URI1: variants seen among roughly 807,000 people sequenced by gnomAD.
URI1 encodes unconventional prefoldin RPB5 interactor 1.
A neutral mutation model predicts 60.2 loss-of-function variants in URI1; 39 were observed. The observed-to-expected ratio is 0.65, with a 90% CI of 0.50 to 0.85. The LOEUF (loss-of-function observed/expected upper bound fraction) is 0.85, where lower values mean the gene tolerates loss of function less well. Ranked by LOEUF, URI1 falls within the 40% of genes least tolerant of loss-of-function variation. URI1 has a pLI of 0.00. For missense variants in URI1, 691 were observed against 665.9 expected (o/e 1.04, Z -0.42); for synonymous variants, 251 against 236.8 (o/e 1.06, Z -0.55).
At chr19:29,984,586 C>G (rs1278814274) in intron 2 of URI1, among the ~76,000 whole-genome samples, 2 of 152,116 alleles carry the variant, frequency 1.3e-5, no homozygotes, top group Non-Finnish European at 2.9e-5. Flanking sequence ...TATTCTGCTT[C>G]TAAATGCCAG....
intron 4 of URI1, among the ~76,000 whole-genome samples, chr19:29,991,863 T>C (rs761582031): frequency 6.6e-6 from 1 of 152,220 alleles, no homozygotes; most frequent in Non-Finnish European, 1.5e-5. Context: ...ATTGATATGA[T>C]CTTGTAGTTT....
chr19:30,015,313 A>AT lies in URI1; in HGVS notation c.*245dup. 1 of 1,415,302 alleles carries AT rather than the reference A, an allele frequency of 7.1e-7. No individual in the cohort carries two copies. The highest frequency in any genetic ancestry group is 9.2e-7 in the Non-Finnish European group (1 of 1,091,068). 87.7% of individuals were successfully genotyped at this position (1,415,302 alleles called of 1,614,324 possible). On this transcript the variant is annotated 3_prime_UTR_variant, in exon 11 of 11. Coordinates refer to ENST00000392271, the MANE Select transcript of URI1 (RefSeq NM_003796.3). Reference sequence around the variant, plus strand: ...AACACTCTTATCTAAGTTTGCCTTTATGATGCAGTGGCAGCATTTTGAATT... The same window carrying AT: ...AACACTCTTATCTAAGTTTGCCTTTATTGATGCAGTGGCAGCATTTTGAATT...
intron 1 of URI1, among the ~76,000 whole-genome samples, chr19:29,931,851 T>C (rs1004925210): frequency 2.6e-5 from 4 of 151,466 alleles, no homozygotes; most frequent in Admixed American, 6.6e-5. Context: ...ATATAGAAAC[T>C]GATTCTTGTG....
intron 1 of URI1, among the ~76,000 whole-genome samples, chr19:29,960,094 A>G (rs2055302998): frequency 6.6e-6 from 1 of 152,202 alleles, no homozygotes; most frequent in Non-Finnish European, 1.5e-5. Flanking sequence ...AATTGGAAAT[A>G]CATTCCTTTT....
At chr19:29,947,671 A>G (rs2055119362) in intron 1 of URI1, among the ~76,000 whole-genome samples, 1 of 152,230 alleles carries the variant, frequency 6.6e-6, no homozygotes, top group South Asian at 2.1e-4. Context: ...GATGTTAGTT[A>G]TATTCTAATT....
At chr19:29,970,961 G>A in intron 1 of URI1, 1 of 519,710 alleles carries the variant, frequency 1.9e-6, no homozygotes, top group Non-Finnish European at 3.4e-6. Context: ...ACCAAAGTAT[G>A]AATCAGAAAG....
At chr19:29,982,908 A>G (rs903787663) in intron 2 of URI1, among the ~76,000 whole-genome samples, 3 of 152,212 alleles carry the variant, frequency 2.0e-5, no homozygotes, top group Middle Eastern at 3.2e-3. Context: ...CTGTGAGATA[A>G]GTATTAGTCC....
chr19:29,924,525 T>C (rs894685152), intron 1 of URI1, among the ~76,000 whole-genome samples: 1 of 152,212 alleles, frequency 6.6e-6, no homozygotes, highest in African/African-American at 2.4e-5. Flanking sequence ...GATTTCTTTC[T>C]GAGGAATTCC....
intron 4 of URI1, among the ~76,000 whole-genome samples, chr19:29,995,712 G>A (rs1394745442): frequency 2.0e-5 from 3 of 151,524 alleles, no homozygotes; most frequent in Non-Finnish European, 4.4e-5. Context: ...ATGTCATGAA[G>A]CAGCTTCCCT....
intron 4 of URI1, among the ~76,000 whole-genome samples, chr19:29,986,825 C>G (rs1007006298): frequency 1.3e-5 from 2 of 151,932 alleles, no homozygotes; most frequent in African/African-American, 4.8e-5. Flanking sequence ...AGAGAAATAC[C>G]TGTTTACATA....
intron 10 of URI1, chr19:30,014,147 A>G (rs2056057041): frequency 6.6e-6 from 1 of 152,150 alleles, no homozygotes; most frequent in East Asian, 1.9e-4. Flanking sequence ...AGATATTTCC[A>G]GCAATTTATG....
upstream of URI1, among the ~76,000 whole-genome samples, chr19:29,938,980 A>ATTT (rs33973351): frequency 5.4e-4 from 77 of 142,182 alleles, no homozygotes; most frequent in South Asian, 4.8e-3. Flanking sequence ...CTGGCCTACC[A>ATTT]TTTTTTTTTT....
intron 1 of URI1, among the ~76,000 whole-genome samples, chr19:29,967,173 G>T (rs2055401434): frequency 1.3e-5 from 2 of 152,162 alleles, no homozygotes; most frequent in Non-Finnish European, 2.9e-5. Context: ...CAACAGCTAA[G>T]AAATTATTAT....
chr19:29,942,998 A>T (rs190546610), intron 1 of URI1, among the ~76,000 whole-genome samples: 3 of 152,328 alleles, frequency 2.0e-5, no homozygotes, highest in Admixed American at 2.0e-4. Flanking sequence ...AACATTGCTT[A>T]AAATGTGTAC....
Position 29,924,992 on chromosome 19 carries a change from C to T in URI1, c.63+1238C>T, listed in dbSNP as rs374916978. Among the ~76,000 whole-genome samples, 427 of 152,300 alleles carry T rather than the reference C, an allele frequency of 2.8e-3. 2 individuals are homozygous for T. The highest frequency in any genetic ancestry group is 8.6e-3 in the African/African-American group (356 of 41,582). ...CTGGGATCACAGGCATGCACCACCACGCCCGGCTAATTTTTGTATTTTTGG... is the reference window on the plus strand; with the variant it reads ...CTGGGATCACAGGCATGCACCACCATGCCCGGCTAATTTTTGTATTTTTGG... On this transcript the variant is annotated intron_variant, in intron 1 of 10. Coordinates refer to the URI1 transcript ENST00000360605.
Position 30,015,055 on chromosome 19 carries a change from C to A in URI1, c.1594C>A (p.Gln532Lys). ...RVSKFKAARL[Q>K]QKD is the part of the protein sequence containing the mutation. Reference sequence around the variant, plus strand: ...TTCAAAGTTTAAAGCTGCCAGATTGCAACAGAAAGACTAGGCCCTGTCTAG... The same window carrying A: ...TTCAAAGTTTAAAGCTGCCAGATTGAAACAGAAAGACTAGGCCCTGTCTAG... Residue 532 changes from glutamine to lysine, a missense_variant, in exon 11 of 11, where the codon CAA becomes AAA. Coordinates refer to ENST00000392271, the MANE Select transcript of URI1 (RefSeq NM_003796.3). 3 of 1,613,252 alleles carry A rather than the reference C, an allele frequency of 1.9e-6. No individual in the cohort carries two copies. The highest frequency in any genetic ancestry group is 2.5e-6 in the Non-Finnish European group (3 of 1,179,508).
At chr19:29,946,075 C>G (rs866880433) in intron 1 of URI1, among the ~76,000 whole-genome samples, 5 of 152,194 alleles carry the variant, frequency 3.3e-5, no homozygotes, top group Admixed American at 2.6e-4. Context: ...CTTCCCCCCC[C>G]CAAAGGTTTT....
At chr19:29,999,810 C>T (rs999074956) in intron 4 of URI1, among the ~76,000 whole-genome samples, 1 of 151,776 alleles carries the variant, frequency 6.6e-6, no homozygotes, top group Non-Finnish European at 1.5e-5. Context: ...CTTTAAATAA[C>T]CACAAACCAT....
At chr19:29,925,568 G>T (rs1277458317) in intron 1 of URI1, 1 of 152,268 alleles carries the variant, frequency 6.6e-6, no homozygotes, top group Non-Finnish European at 1.5e-5. Flanking sequence ...GAAGGCTGAA[G>T]AAACTCCACA....
Sources: allele counts gnomAD v4.1 joint callset (sites outside exome capture counted in the v4.1 genomes callset), GRCh38; gene constraint gnomAD v4.1.1; transcripts MANE v1.5; gene names NCBI Gene and HGNC (gene_info 2026-07-23, HGNC 2026-07-21).